Variants in PDLIM2 observed in about 807,000 individuals in gnomAD.
PDLIM2 encodes PDZ and LIM domain 2.
Under a neutral mutation model 54.1 loss-of-function variants are expected in PDLIM2, and 51 were observed. The ratio of observed to expected loss-of-function variants is 0.94; its 90% CI spans 0.75 to 1.19. The LOEUF (loss-of-function observed/expected upper bound fraction) is 1.19, where lower values mean the gene tolerates loss of function less well. Ranked by LOEUF, PDLIM2 falls within the 50% of genes most tolerant of loss-of-function variation. The probability of loss-of-function intolerance (pLI) is 0.00; values close to 1 mark genes in which losing one functional copy is unlikely to be tolerated. For synonymous variants in PDLIM2, 398 were observed against 385.6 expected (o/e 1.03, Z -0.38); for missense variants, 912 against 874.0 (o/e 1.04, Z -0.55).
intron 3 of PDLIM2, among the ~76,000 whole-genome samples, chr8:22,584,610 C>T (rs1443801514): frequency 1.3e-5 from 2 of 152,220 alleles, no homozygotes; most frequent in Admixed American, 6.5e-5. Flanking sequence ...TGTGCCTGGC[C>T]AACTGTCCTT....
chr8:22,578,947 G>A (rs1800109050), exon 1 of PDLIM2: 2 of 1,239,638 alleles, frequency 1.6e-6, no homozygotes, highest in Non-Finnish European at 2.0e-6. Context: ...CGGCTGGACG[G>A]TCGCAGCCTG....
intron 2 of PDLIM2, chr8:22,581,076 A>C (rs1488801726): frequency 1.5e-5 from 10 of 673,940 alleles, no homozygotes; most frequent in Non-Finnish European, 2.2e-5. Context: ...AGCCACCTGC[A>C]AGGTGCGATT....
intron 3 of PDLIM2, among the ~76,000 whole-genome samples, chr8:22,582,669 C>T (rs1243331684): frequency 1.3e-5 from 2 of 150,712 alleles, no homozygotes; most frequent in Admixed American, 6.6e-5. Context: ...GCCACCTCTG[C>T]CTCCCGGGTT....
chr8:22,579,686 C>T (rs1321855570), intron 1 of PDLIM2: 1 of 901,726 alleles, frequency 1.1e-6, no homozygotes, highest in Non-Finnish European at 1.5e-6. Flanking sequence ...CTTGCGTCCC[C>T]AGGGCAGCCC....
intron 1 of PDLIM2, 66 bp from the exon 1 acceptor site, chr8:22,580,409 A>G (rs1450961944): frequency 3.7e-6 from 5 of 1,344,888 alleles, no homozygotes; most frequent in Non-Finnish European, 4.9e-6. Context: ...ATGGCTTCCC[A>G]GGGTGGGGGG....
chr8:22,591,385 C>A (rs1800541881), intron 8 of PDLIM2, 166 bp from the exon 8 acceptor site: 3 of 673,116 alleles, frequency 4.5e-6, no homozygotes, highest in Non-Finnish European at 7.9e-6. Flanking sequence ...CCAGCCTCAG[C>A]CATGGATCTG....
exon 2 of PDLIM2, chr8:22,580,637 G>C (rs752973812): frequency 6.2e-7 from 1 of 1,614,028 alleles, no homozygotes. Flanking sequence ...CCGGGCCAGC[G>C]CCCTGGGGCT....
intron 3 of PDLIM2, 95 bp downstream of exon 2, chr8:22,581,625 C>G (rs1279129509): frequency 6.9e-7 from 1 of 1,447,552 alleles, no homozygotes; most frequent in Non-Finnish European, 9.1e-7. Flanking sequence ...GGCTAGAGCT[C>G]AGCCCTAAAG....
intron 1 of PDLIM2, 163 bp from the exon 1 acceptor site, chr8:22,580,312 A>C: frequency 2.0e-6 from 1 of 509,128 alleles, no homozygotes; most frequent in Non-Finnish European, 3.4e-6. Context: ...CCCATGCTCC[A>C]GCAAGCCCCC....
Position 22,586,232 on chromosome 8 carries a change from C to CTT in PDLIM2, c.1290+835_1290+836dup, listed in dbSNP as rs889094807. ...GCTCTGGAGGAGGAAGGAGCAGGAT[C>CTT]TTTCTGGGGGCCTTCCGAACAGCGG... On this transcript the variant is annotated intron_variant, in intron 6 of 9. Coordinates refer to ENST00000308354, the Ensembl canonical transcript of PDLIM2. 6.6e-5 allele frequency among the ~76,000 whole-genome samples: 10 copies of CTT among 152,322 alleles called. No individual in the cohort carries two copies. The South Asian group carries it at 1.4e-3, about 22-fold the overall frequency.
intron 8 of PDLIM2, chr8:22,589,963 G>C: frequency 1.7e-6 from 1 of 582,680 alleles, no homozygotes; most frequent in Non-Finnish European, 3.0e-6. Flanking sequence ...CAGAGTAGTG[G>C]GCAGTAGCCA....
chr8:22,596,021 C>T (rs114919001), downstream of PDLIM2: 2,235 of 152,084 alleles, frequency 0.015, 47 homozygotes, highest in African/African-American at 0.05. Flanking sequence ...TCTCGAACTT[C>T]GGGCCCCAAG....
At position 22,581,536 on chromosome 8, in the gene PDLIM2, G is replaced by A. The variant is rs1221509057; in HGVS notation, c.995+6G>A. ...CTGCGGCTGCAGCTGGACCGGTAGGGCCTCCCGCTCTGCAGAGCCTGTGGC... is the reference window on the plus strand; with the variant it reads ...CTGCGGCTGCAGCTGGACCGGTAGGACCTCCCGCTCTGCAGAGCCTGTGGC... On this transcript the variant is annotated splice_donor_region_variant and intron_variant, in intron 3 of 9. Transcript: ENST00000308354. 8 of 1,568,484 alleles carry A rather than the reference G, an allele frequency of 5.1e-6. No homozygotes were observed. The highest frequency in any genetic ancestry group is 6.9e-6 in the Non-Finnish European group (8 of 1,163,510).
Position 22,579,377 on chromosome 8 carries a change from TCC to T in PDLIM2, c.601_602del (p.Pro201GlyfsTer26), listed in dbSNP as rs1800124994. On this transcript the variant is annotated frameshift_variant, in exon 1 of 10. Coordinates refer to ENST00000308354, the Ensembl canonical transcript of PDLIM2. LOFTEE classifies it high-confidence loss of function. ...GGGGGCGCCCCCGCGAGCTGCGCTC[TCC>T]CCGGCCGGAGCGCTCCTCCTCCAGC... is the stretch of plus-strand genomic sequence containing the variant. 1 of 1,496,258 alleles carries T rather than the reference TCC, an allele frequency of 6.7e-7. No homozygotes were observed. The highest frequency in any genetic ancestry group is 8.9e-7 in the Non-Finnish European group (1 of 1,129,856). 92.7% of individuals were successfully genotyped at this position (1,496,258 alleles called of 1,614,324 possible). A position where few individuals can be genotyped will look rare whatever the true frequency, so the allele number is the denominator to read the frequency against.
chr8:22,591,482 TCAGAG>T, intron 8 of PDLIM2, 64 bp from the exon 8 acceptor site: 1 of 1,412,268 alleles, frequency 7.1e-7, no homozygotes, highest in East Asian at 2.3e-5. Context: ...GACCACCTCC[TCAGAG>T]CATCTTTGGG....
exon 10 of PDLIM2, chr8:22,594,174 C>A: frequency 7.1e-7 from 1 of 1,410,596 alleles, no homozygotes; most frequent in Non-Finnish European, 9.2e-7. Context: ...CCTTTGTGTG[C>A]GAGGGTCTAA....
exon 1 of PDLIM2, chr8:22,578,826 T>C: frequency 8.1e-7 from 1 of 1,234,450 alleles, no homozygotes; most frequent in African/African-American, 1.5e-5. Flanking sequence ...TTTATGGGGC[T>C]GCCCCCTCGA....
At chr8:22,589,121 G>A (rs975600268) in intron 6 of PDLIM2, 177 bp from the exon 6 acceptor site, 24 of 520,854 alleles carry the variant, frequency 4.6e-5, no homozygotes, top group Non-Finnish European at 7.3e-5. Flanking sequence ...CCCGCTGGTC[G>A]GCGAGGGCTG....
downstream of PDLIM2, chr8:22,594,456 G>A (rs1800639432): frequency 1.2e-6 from 2 of 1,608,910 alleles, no homozygotes; most frequent in African/African-American, 2.7e-5. Context: ...CATTTCCCAT[G>A]GAAGGGCCTT....
Sources: gnomAD v4.1 joint callset for allele counts (sites outside exome capture counted in the v4.1 genomes callset) on GRCh38, gnomAD v4.1.1 for gene constraint, MANE v1.5 for transcripts, NCBI Gene and HGNC (gene_info 2026-07-23, HGNC 2026-07-21) for gene names.